Variants in LARP1 observed in about 807,000 individuals in gnomAD.
The protein encoded by LARP1 is la-related protein 1.
LARP1 carries 36 observed loss-of-function variants against 122.7 expected under a neutral mutation model. That is an observed-to-expected ratio of 0.29 (90% CI 0.22 to 0.39). The LOEUF is 0.39. Ranked by LOEUF, LARP1 falls within the 10% of genes least tolerant of loss-of-function variation. The pLI is 1.00. For missense variants in LARP1, 1,040 were observed against 1,403.6 expected (o/e 0.74, Z 4.14); for synonymous variants, 539 against 528.7 (o/e 1.02, Z -0.27).
intron 1 of LARP1, among the ~76,000 whole-genome samples, chr5:154,719,327 A>G (rs1341562508): frequency 6.6e-6 from 1 of 152,140 alleles, no homozygotes; most frequent in Non-Finnish European, 1.5e-5. Context: ...GCAAGCTCCC[A>G]GCTCCCTCTC....
intron 1 of LARP1, among the ~76,000 whole-genome samples, chr5:154,716,934 T>A (rs1755542134): frequency 1.3e-5 from 2 of 151,858 alleles, no homozygotes; most frequent in South Asian, 4.1e-4. Flanking sequence ...ATTGAGTGCA[T>A]CTGTTGTCCC....
At chr5:154,683,665 A>G (rs778513012) in intron 1 of LARP1, among the ~76,000 whole-genome samples, 3 of 152,162 alleles carry the variant, frequency 2.0e-5, no homozygotes. Flanking sequence ...CATATTTTAC[A>G]TGGGGATTAG....
At chr5:154,782,267 G>A (rs774011514) in intron 1 of LARP1, among the ~76,000 whole-genome samples, 13 of 152,204 alleles carry the variant, frequency 8.5e-5, no homozygotes, top group Non-Finnish European at 1.6e-4. Flanking sequence ...GTTCTAACTA[G>A]AACCAAATGT....
intron 1 of LARP1, among the ~76,000 whole-genome samples, chr5:154,703,536 C>T (rs1161051519): frequency 6.6e-6 from 1 of 152,164 alleles, no homozygotes; most frequent in African/African-American, 2.4e-5. Context: ...CTCACTTGAG[C>T]CCAGGAGTTC....
chr5:154,735,987 T>G (rs1298766868), intron 1 of LARP1, among the ~76,000 whole-genome samples: 4 of 152,170 alleles, frequency 2.6e-5, no homozygotes, highest in Non-Finnish European at 4.4e-5. Context: ...TGGCACCATC[T>G]TAGCTCACTG....
chr5:154,703,119 T>C (rs1432741006), intron 1 of LARP1, among the ~76,000 whole-genome samples: 3 of 27,548 alleles, frequency 1.1e-4, no homozygotes, highest in Non-Finnish European at 2.2e-4. Context: ...AGACGCTGTC[T>C]CAAAAAAAAA....
intron 18 of LARP1, among the ~76,000 whole-genome samples, chr5:154,811,973 C>A (rs1056458794): frequency 6.6e-6 from 1 of 152,192 alleles, no homozygotes; most frequent in African/African-American, 2.4e-5. Flanking sequence ...CACATTTGTT[C>A]TTTCTGGAAA....
upstream of LARP1, among the ~76,000 whole-genome samples, chr5:154,754,250 G>A (rs1445705961): frequency 6.6e-6 from 1 of 152,110 alleles, no homozygotes; most frequent in African/African-American, 2.4e-5. Flanking sequence ...ATGAGGATAG[G>A]GACTTTGTTA....
At chr5:154,776,718 C>T (rs992093627) in intron 1 of LARP1, among the ~76,000 whole-genome samples, 4 of 152,212 alleles carry the variant, frequency 2.6e-5, no homozygotes, top group African/African-American at 9.6e-5. Context: ...CCCAAGCCAG[C>T]CCCTCTTCCC....
At chr5:154,749,448 G>C (rs184587944) in intron 1 of LARP1, among the ~76,000 whole-genome samples, 1 of 152,254 alleles carries the variant, frequency 6.6e-6, no homozygotes, top group East Asian at 1.9e-4. Context: ...GTAAAGTGGG[G>C]ATAGTCATGG....
intron 1 of LARP1, chr5:154,718,488 A>G (rs1755653650): frequency 6.6e-6 from 1 of 152,198 alleles, no homozygotes. Context: ...GACCTGCTCC[A>G]TTTCCAACCT....
chr5:154,728,243 C>A lies in LARP1; in HGVS notation c.205+15113C>A, dbSNP rs75809370. ...GAACCTTCTTTTAACAAGCAGCCTG[C>A]GGATTCCGATGCAATGAGTCTACAG... On this transcript the variant is annotated intron_variant, in intron 1 of 18. Coordinates refer to the LARP1 transcript ENST00000336314. Among the ~76,000 whole-genome samples the A allele has an allele frequency of 5.9e-5, 9 of 152,250 alleles. No individual in the cohort carries two copies. In the East Asian group the frequency reaches 1.7e-3, roughly 29 times the overall value.
intron 16 of LARP1, among the ~76,000 whole-genome samples, chr5:154,810,202 G>A (rs555165756): frequency 1.7e-4 from 26 of 151,878 alleles, no homozygotes; most frequent in African/African-American, 5.1e-4. Flanking sequence ...TTGGGAGTGC[G>A]AGGCAGGCAG....
At chr5:154,811,077 A>G (rs1350875340) in intron 16 of LARP1, among the ~76,000 whole-genome samples, 170 bp from the exon 17 acceptor site, 1 of 152,228 alleles carries the variant, frequency 6.6e-6, no homozygotes, top group Non-Finnish European at 1.5e-5. Flanking sequence ...ATCTCTGAAC[A>G]TTTTATGCTG....
chr5:154,717,204 T>G (rs1233260477), intron 1 of LARP1, among the ~76,000 whole-genome samples: 1 of 152,112 alleles, frequency 6.6e-6, no homozygotes, highest in South Asian at 2.1e-4. Flanking sequence ...AACAACCAAC[T>G]TGAGCTGCTG....
intron 2 of LARP1, 55 bp downstream of exon 2, chr5:154,790,441 T>A: frequency 6.5e-7 from 1 of 1,544,016 alleles, no homozygotes; most frequent in South Asian, 1.1e-5. Flanking sequence ...GTGGCCTCTT[T>A]CCTGTTTTAG....
chr5:154,812,623 G>T (rs1156764883), intron 18 of LARP1, among the ~76,000 whole-genome samples: 1 of 149,928 alleles, frequency 6.7e-6, no homozygotes, highest in Non-Finnish European at 1.5e-5. Context: ...GGGTTTAAGT[G>T]ATTCTCCTGC....
In LARP1 at chr5:154,808,666, G is replaced by A. The variant is rs1758995134; in HGVS notation, c.2843+63G>A. ...AGGGATGATGTGGGATCCCTAGTTG[G>A]TCTGCTTCCAGAACTGTAGTTGGAA... On this transcript the variant is annotated intron_variant, in intron 16 of 18. Transcript: ENST00000518297. 2.6e-6 allele frequency: 4 copies of A among 1,528,764 alleles called. No individual in the cohort carries two copies. In the Admixed American group the frequency reaches 7.7e-5, roughly 29 times the overall value. The allele number at this position is 1,528,764 out of a possible 1,614,324, so 94.7% of individuals were successfully genotyped here. A position where few individuals can be genotyped will look rare whatever the true frequency, so the allele number is the denominator to read the frequency against.
chr5:154,722,275 A>G (rs1755919926), intron 1 of LARP1, among the ~76,000 whole-genome samples: 1 of 151,054 alleles, frequency 6.6e-6, no homozygotes. Flanking sequence ...AGGCTGCTGG[A>G]CTCCTTTTGC....
Sources: allele counts gnomAD v4.1 joint callset (sites outside exome capture counted in the v4.1 genomes callset), GRCh38; gene constraint gnomAD v4.1.1; transcripts MANE v1.5; gene names NCBI Gene and HGNC (gene_info 2026-07-23, HGNC 2026-07-21).